CNTN4: variants seen among roughly 807,000 people sequenced by gnomAD.
CNTN4 encodes the protein contactin 4.
In CNTN4, 77 loss-of-function variants were observed where a neutral mutation model predicts 122.5. The ratio of observed to expected loss-of-function variants is 0.63; its 90% CI spans 0.52 to 0.76. CNTN4 has a LOEUF of 0.76. CNTN4 is among the 30% of genes least tolerant of loss of function. CNTN4 has a pLI of 0.00. For synonymous variants in CNTN4, 512 were observed against 447.0 expected, an observed-to-expected ratio of 1.15 and a Z score of -1.83; for missense variants, 1,256 against 1,259.1, an observed-to-expected ratio of 1.00 and a Z score of 0.04.
At chr3:2,612,086 C>A (rs2081516881) in intron 4 of CNTN4, among the ~76,000 whole-genome samples, 1 of 143,394 alleles carries the variant, frequency 7.0e-6, no homozygotes, top group Admixed American at 7.3e-5. Flanking sequence ...TTAATATAAC[C>A]AGTTTTATAT....
intron 13 of CNTN4, among the ~76,000 whole-genome samples, chr3:2,971,142 A>G (rs1445015245): frequency 1.3e-5 from 2 of 152,216 alleles, no homozygotes; most frequent in Non-Finnish European, 2.9e-5. Flanking sequence ...ATTATAAGGA[A>G]GAGAAGAATA....
chr3:2,676,937 T>C (rs780677358), intron 4 of CNTN4, among the ~76,000 whole-genome samples: 6 of 152,170 alleles, frequency 3.9e-5, no homozygotes, highest in Admixed American at 3.3e-4. Context: ...ACTAGGAACA[T>C]CTAAATAGAC....
chr3:2,831,576 G>A (rs569971293), intron 7 of CNTN4, among the ~76,000 whole-genome samples: 11 of 152,226 alleles, frequency 7.2e-5, no homozygotes, highest in South Asian at 2.1e-4. Flanking sequence ...ATCTCCAGCC[G>A]AAACACACCC....
intron 3 of CNTN4, among the ~76,000 whole-genome samples, chr3:2,565,093 A>G (rs1325519770): frequency 6.6e-6 from 1 of 152,100 alleles, no homozygotes; most frequent in African/African-American, 2.4e-5. Flanking sequence ...TTATGATATT[A>G]TGATGGAAAC....
intron 7 of CNTN4, among the ~76,000 whole-genome samples, chr3:2,830,557 G>T (rs2093082447): frequency 6.6e-6 from 1 of 152,186 alleles, no homozygotes; most frequent in Non-Finnish European, 1.5e-5. Context: ...GACATGAAGA[G>T]TCTGGAGATG....
At chr3:2,134,665 G>A (rs1322621744) in intron 2 of CNTN4, among the ~76,000 whole-genome samples, 1 of 152,162 alleles carries the variant, frequency 6.6e-6, no homozygotes, top group Non-Finnish European at 1.5e-5. Flanking sequence ...ATAACTAAGG[G>A]GATGCCGCTG....
chr3:3,025,722 G>T (rs181617272), intron 14 of CNTN4, among the ~76,000 whole-genome samples: 217 of 152,208 alleles, frequency 1.4e-3, no homozygotes, highest in African/African-American at 5.0e-3. Flanking sequence ...GATTTTTCCT[G>T]TTTGCACTCA....
At position 2,385,284 on chromosome 3, in the gene CNTN4, C is replaced by G. The variant is rs1343162012; in HGVS notation, c.-89+46051C>G. 1.3e-5 allele frequency among the ~76,000 whole-genome samples: 2 copies of G among 151,124 alleles called. No homozygotes were observed. The highest frequency in any genetic ancestry group is 2.9e-5 in the Non-Finnish European group (2 of 67,942). ...ACACTTTTTATTTCTACAGTAATAT[C>G]AAATCACTTAAAACTCTCCCAACAA... On this transcript the variant is annotated intron_variant, in intron 3 of 24. Coordinates refer to ENST00000418658, the MANE Select transcript of CNTN4 (RefSeq NM_175607.3). This position sits in a 1 kb window ranked among gnomAD's most constrained non-coding sequence, Gnocchi z 4.0.
intron 6 of CNTN4, among the ~76,000 whole-genome samples, chr3:2,750,685 A>C (rs4594606): frequency 6.6e-6 from 1 of 152,062 alleles, no homozygotes; most frequent in African/African-American, 2.4e-5. Context: ...CACTTAGCCT[A>C]CTACCATACC....
chr3:2,926,468 T>G (rs965983064), intron 13 of CNTN4, among the ~76,000 whole-genome samples: 1 of 152,214 alleles, frequency 6.6e-6, no homozygotes, highest in African/African-American at 2.4e-5. Flanking sequence ...TAAGACCTTT[T>G]CTTGGCTGTC....
intron 3 of CNTN4, among the ~76,000 whole-genome samples, chr3:2,364,345 G>A (rs1035845817): frequency 1.3e-5 from 2 of 152,030 alleles, no homozygotes; most frequent in African/African-American, 4.8e-5. Context: ...TTCCAACATA[G>A]TCATCATCAT....
intron 2 of CNTN4, among the ~76,000 whole-genome samples, chr3:2,333,470 G>A (rs1395493296): frequency 6.6e-6 from 1 of 152,286 alleles, no homozygotes; most frequent in South Asian, 2.1e-4. Flanking sequence ...GAGCTGTAGG[G>A]ACCCTTGTTA....
chr3:2,885,169 G>A (rs1322327737), intron 9 of CNTN4, among the ~76,000 whole-genome samples: 1 of 152,212 alleles, frequency 6.6e-6, no homozygotes, highest in African/African-American at 2.4e-5. Flanking sequence ...ACTTCTCTGT[G>A]TGTGTATTTG....
chr3:2,439,716 G>C (rs1050490320), intron 3 of CNTN4, among the ~76,000 whole-genome samples: 1 of 152,018 alleles, frequency 6.6e-6, no homozygotes, highest in African/African-American at 2.4e-5. Context: ...ATAGCTAAGG[G>C]AAAGGAGTGA....
chr3:2,444,692 A>G (rs1490035154), intron 3 of CNTN4, among the ~76,000 whole-genome samples: 5 of 152,140 alleles, frequency 3.3e-5, no homozygotes, highest in Non-Finnish European at 7.4e-5. Context: ...ATGAGGACAG[A>G]GTCTGCCATT....
At chr3:2,919,133 C>T (rs1375307119) in intron 12 of CNTN4, among the ~76,000 whole-genome samples, 1 of 150,076 alleles carries the variant, frequency 6.7e-6, no homozygotes, top group East Asian at 2.0e-4. Context: ...GACTTGAAGT[C>T]AGGAGTTCAA....
chr3:3,039,255 A>C (rs1262719963), intron 19 of CNTN4: 11 of 349,432 alleles, frequency 3.1e-5, no homozygotes, highest in Admixed American at 1.6e-4. Context: ...CACACGTTAC[A>C]AAAAAAAATA....
At chr3:2,820,961 CTTTTTTTTTT>C (rs67731967) in intron 7 of CNTN4, among the ~76,000 whole-genome samples, 2 of 107,580 alleles carry the variant, frequency 1.9e-5, no homozygotes, top group African/African-American at 7.6e-5. Flanking sequence ...TTTTCTCTTT[CTTTTTTTTTT>C]TTTTTTTTGA....
intron 13 of CNTN4, among the ~76,000 whole-genome samples, chr3:2,968,842 A>G (rs1313736713): frequency 6.6e-6 from 1 of 152,172 alleles, no homozygotes; most frequent in African/African-American, 2.4e-5. Context: ...TGCATCATCT[A>G]TGGACACACA....
Sources: allele counts gnomAD v4.1 joint callset (sites outside exome capture counted in the v4.1 genomes callset), GRCh38; gene constraint gnomAD v4.1.1; non-coding constraint Gnocchi (gnomAD v3.1); transcripts MANE v1.5; gene names NCBI Gene and HGNC (gene_info 2026-07-23, HGNC 2026-07-21).